Variants in SLC35D4 observed in about 807,000 individuals in gnomAD.
SLC35D4 encodes the protein solute carrier family 35 member D4.
chr18:23,249,713 T>G, the SLC35D4 span, among the ~76,000 whole-genome samples: 1 of 152,144 alleles, frequency 6.6e-6, no homozygotes, highest in Non-Finnish European at 1.5e-5. Flanking sequence ...TTGAGTGACT[T>G]TCTCCCTGTT....
the SLC35D4 span, among the ~76,000 whole-genome samples, chr18:23,347,275 C>A: frequency 6.6e-6 from 1 of 152,126 alleles, no homozygotes; most frequent in African/African-American, 2.4e-5. Flanking sequence ...CCCATTTCAT[C>A]CAAATTGACT....
the SLC35D4 span, among the ~76,000 whole-genome samples, chr18:23,362,881 C>T: frequency 4.6e-5 from 7 of 152,290 alleles, no homozygotes; most frequent in African/African-American, 1.7e-4. Flanking sequence ...CTCTGACCAT[C>T]ATAAGTTTAA....
chr18:23,290,933 C>T, the SLC35D4 span, among the ~76,000 whole-genome samples: 3 of 152,082 alleles, frequency 2.0e-5, no homozygotes, highest in African/African-American at 2.4e-5. Context: ...CCACCACACC[C>T]GTCATTTTGA....
At chr18:23,309,228 TTGTGTGTGTGTGTG>T in the SLC35D4 span, among the ~76,000 whole-genome samples, 4 of 145,766 alleles carry the variant, frequency 2.7e-5, no homozygotes, top group African/African-American at 1.0e-4. Flanking sequence ...AAAGGGCTGA[TTGTGTGTGTGTGTG>T]TGTGTGTGTG....
the SLC35D4 span, chr18:23,296,050 A>ATTGCTC: frequency 6.6e-6 from 1 of 152,150 alleles, no homozygotes; most frequent in African/African-American, 2.4e-5. Flanking sequence ...CAATGAGAAC[A>ATTGCTC]CATGGACATA....
At chr18:23,386,166 T>C in the SLC35D4 span, among the ~76,000 whole-genome samples, 11 of 141,798 alleles carry the variant, frequency 7.8e-5, no homozygotes, top group Non-Finnish European at 1.5e-4. Flanking sequence ...AATGGTCCCC[T>C]AAAAGACATC....
chr18:23,343,536 T>C, the SLC35D4 span, among the ~76,000 whole-genome samples: 1 of 152,300 alleles, frequency 6.6e-6, no homozygotes, highest in East Asian at 1.9e-4. Context: ...CCACCAAGCC[T>C]GGCCTATTTA....
chr18:23,409,875 G>T, the SLC35D4 span, among the ~76,000 whole-genome samples: 1 of 146,898 alleles, frequency 6.8e-6, no homozygotes, highest in Admixed American at 6.8e-5. Context: ...GAGGATGGTT[G>T]TATCTGTATT....
the SLC35D4 span, among the ~76,000 whole-genome samples, chr18:23,431,988 T>C: frequency 4.0e-3 from 611 of 152,340 alleles, 8 homozygotes; most frequent in African/African-American, 0.014. Context: ...GAATTCCCCT[T>C]GTCTGAGCTC....
chr18:23,429,180 G>T, the SLC35D4 span, among the ~76,000 whole-genome samples: 1 of 152,300 alleles, frequency 6.6e-6, no homozygotes, highest in East Asian at 1.9e-4. Context: ...ATTTTTGGTA[G>T]AAGAATTTAT....
the SLC35D4 span, among the ~76,000 whole-genome samples, chr18:23,396,716 C>T: frequency 1.3e-5 from 2 of 152,128 alleles, no homozygotes; most frequent in East Asian, 3.9e-4. Context: ...GAGTTTGAGG[C>T]CAGCATGGGC....
chr18:23,264,330 T>A, the SLC35D4 span, among the ~76,000 whole-genome samples: 1 of 136,214 alleles, frequency 7.3e-6, no homozygotes, highest in African/African-American at 2.7e-5. Flanking sequence ...GCAAGAGGGG[T>A]GGGAAGGTGC....
At chr18:23,307,590 G>C in the SLC35D4 span, among the ~76,000 whole-genome samples, 1 of 144,678 alleles carries the variant, frequency 6.9e-6, no homozygotes, top group African/African-American at 2.8e-5. Context: ...CAGAAGGCCT[G>C]TTTCCTGTCT....
chr18:23,390,412 T>G, the SLC35D4 span, among the ~76,000 whole-genome samples: 2 of 152,206 alleles, frequency 1.3e-5, no homozygotes, highest in South Asian at 4.1e-4. Flanking sequence ...AAAAGGTAAT[T>G]GACCAAATTA....
the SLC35D4 span, among the ~76,000 whole-genome samples, chr18:23,362,966 C>T: frequency 1.3e-5 from 2 of 152,162 alleles, no homozygotes; most frequent in African/African-American, 4.8e-5. Flanking sequence ...CCCAGCCGGG[C>T]ACAGTGGCTC....
chr18:23,293,844 G>A, the SLC35D4 span, among the ~76,000 whole-genome samples: 3 of 152,214 alleles, frequency 2.0e-5, no homozygotes, highest in South Asian at 6.2e-4. Context: ...CCAGGCTGGA[G>A]TGCAGTGGCA....
the SLC35D4 span, among the ~76,000 whole-genome samples, chr18:23,358,839 A>C: frequency 6.6e-6 from 1 of 152,178 alleles, no homozygotes; most frequent in Non-Finnish European, 1.5e-5. Context: ...CTGACCTCAA[A>C]TATTCCCCTT....
chr18:23,276,107 A>C, the SLC35D4 span, among the ~76,000 whole-genome samples: 12 of 150,572 alleles, frequency 8.0e-5, no homozygotes, highest in Non-Finnish European at 1.6e-4. Flanking sequence ...TTTTTTTCTG[A>C]GATGGAGTCT....
the SLC35D4 span, chr18:23,296,617 G>T: frequency 6.6e-6 from 1 of 152,158 alleles, no homozygotes; most frequent in Non-Finnish European, 1.5e-5. Flanking sequence ...CAGGAATAGG[G>T]TTTTAATACA....
Sources: gnomAD v4.1 joint callset for allele counts (sites outside exome capture counted in the v4.1 genomes callset) on GRCh38, gnomAD v4.1.1 for gene constraint, MANE v1.5 for transcripts, NCBI Gene and HGNC (gene_info 2026-07-23, HGNC 2026-07-21) for gene names.